The following NT5C2 variants were observed in gnomAD, a reference collection of about 807,000 sequenced individuals.
NT5C2 encodes the protein cytosolic purine 5'-nucleotidase.
Under a neutral mutation model 76.1 loss-of-function variants are expected in NT5C2, and 58 were observed. That is an observed-to-expected ratio of 0.76 (90% CI 0.62 to 0.95). The LOEUF (loss-of-function observed/expected upper bound fraction) is 0.95, where lower values mean the gene tolerates loss of function less well. Among genes scored for constraint, NT5C2 ranks in the 40% least tolerant of loss-of-function variants. The probability of loss-of-function intolerance (pLI) is 0.00; values close to 1 mark genes in which losing one functional copy is unlikely to be tolerated. For synonymous variants in NT5C2, 229 were observed against 237.4 expected (o/e 0.96, Z 0.32); for missense variants, 478 against 690.3 (o/e 0.69, Z 3.45).
At chr10:103,189,496 C>T (rs2092432028) in intron 1 of NT5C2, among the ~76,000 whole-genome samples, 1 of 151,022 alleles carries the variant, frequency 6.6e-6, no homozygotes, top group Non-Finnish European at 1.5e-5. Flanking sequence ...GTCCTAGCTA[C>T]TCGGTAGGCT....
intron 2 of NT5C2, among the ~76,000 whole-genome samples, chr10:103,180,036 G>A (rs2090779821): frequency 6.6e-6 from 1 of 152,078 alleles, no homozygotes; most frequent in Non-Finnish European, 1.5e-5. Flanking sequence ...CAGAATATAG[G>A]AAGAGCTCTC....
rs147737643 is a variant in NT5C2 at position 103,126,647 on chromosome 10, C to T, written c.175+12759G>A. ...AAAAACTAAAAAACAAACAAAAAAA[C>T]ATAGTCCACTCTTGGCCAGTGGTAA... On this transcript the variant is annotated intron_variant, in intron 4 of 18. Coordinates refer to ENST00000404739, the MANE Select transcript of NT5C2 (RefSeq NM_001351169.2). 1.4e-4 allele frequency among the ~76,000 whole-genome samples: 22 copies of T among 152,142 alleles called. No homozygotes were observed. The East Asian group carries it at 3.5e-3, about 24-fold the overall frequency.
chr10:103,107,750 G>A (rs2071707093), intron 4 of NT5C2, among the ~76,000 whole-genome samples: 1 of 152,078 alleles, frequency 6.6e-6, no homozygotes, highest in Non-Finnish European at 1.5e-5. Flanking sequence ...TTTGTTACAG[G>A]TCAAATAACA....
chr10:103,191,250 C>T (rs2092614159), intron 1 of NT5C2, among the ~76,000 whole-genome samples: 2 of 152,020 alleles, frequency 1.3e-5, no homozygotes, highest in African/African-American at 2.4e-5. Context: ...GGCGTGGTGG[C>T]GCATGCCTGT....
intron 10 of NT5C2, among the ~76,000 whole-genome samples, chr10:103,097,639 A>C (rs2068525589): frequency 6.6e-6 from 1 of 152,264 alleles, no homozygotes; most frequent in Non-Finnish European, 1.5e-5. Flanking sequence ...TTAACAACAT[A>C]TCTCTACCTT....
intron 4 of NT5C2, among the ~76,000 whole-genome samples, chr10:103,118,826 T>C (rs2075017826): frequency 6.6e-6 from 1 of 152,152 alleles, no homozygotes; most frequent in African/African-American, 2.4e-5. Flanking sequence ...TAAGGGATCA[T>C]CTCTTTTTGG....
At position 103,094,031 on chromosome 10, in the gene NT5C2, C is replaced by T; in HGVS notation, c.929G>A (p.Gly310Asp). 6.2e-7 allele frequency: 1 copy of T among 1,613,220 alleles called. No homozygotes were observed. ...TVLRQVDTKTGKLKIGTYTGP... is the reference protein window; with the variant it reads ...TVLRQVDTKTDKLKIGTYTGP... ...TGTGTAGGTACCAATTTTCAGCTTG[C>T]CAGTTTTCTGTATGAAGAATATGGA... Residue 310 changes from glycine (G) to aspartate (D), a missense_variant, in exon 14 of 19, where the codon GGC (glycine) becomes GAC (aspartate). Physicochemically the swap from Gly to Asp is moderately conservative, Grantham distance 94 (BLOSUM62 -1). Transcript: ENST00000404739.
intron 3 of NT5C2, among the ~76,000 whole-genome samples, chr10:103,163,969 T>C (rs984651612): frequency 2.6e-5 from 4 of 151,464 alleles, no homozygotes; most frequent in African/African-American, 9.7e-5. Flanking sequence ...CCAGGCATGG[T>C]GACTCACGCC....
chr10:103,122,035 G>A (rs1382363785), intron 4 of NT5C2, among the ~76,000 whole-genome samples: 16 of 152,072 alleles, frequency 1.1e-4, no homozygotes, highest in South Asian at 4.1e-4. Flanking sequence ...TTAGCCAGGC[G>A]TGGTGGCAGA....
chr10:103,181,041 G>A (rs2090972970), intron 2 of NT5C2, 144 bp downstream of exon 2: 2 of 152,186 alleles, frequency 1.3e-5, no homozygotes, highest in African/African-American at 2.4e-5. Flanking sequence ...CAAGTACGGA[G>A]AGGAGGAGGT....
At chr10:103,170,311 T>A (rs764457229) in intron 3 of NT5C2, among the ~76,000 whole-genome samples, 14 of 152,040 alleles carry the variant, frequency 9.2e-5, no homozygotes, top group Non-Finnish European at 1.6e-4. Flanking sequence ...CCCTGCCTCT[T>A]TAAATAACAT....
intron 17 of NT5C2, 40 bp from the exon 18 acceptor site, chr10:103,090,827 A>C (rs751324996): frequency 6.2e-7 from 1 of 1,606,958 alleles, no homozygotes; most frequent in Non-Finnish European, 8.5e-7. Flanking sequence ...CTCATTCAAC[A>C]AATATTTATT....
intron 4 of NT5C2, among the ~76,000 whole-genome samples, chr10:103,136,346 G>A (rs1019038833): frequency 3.9e-5 from 6 of 152,310 alleles, no homozygotes; most frequent in Admixed American, 3.9e-4. Flanking sequence ...AAATGGAGAT[G>A]ATAGTAGTAA....
intron 3 of NT5C2, among the ~76,000 whole-genome samples, chr10:103,167,047 G>A (rs192114788): frequency 7.0e-6 from 1 of 142,184 alleles, no homozygotes; most frequent in African/African-American, 2.6e-5. Context: ...AGACAGTCTC[G>A]CTCTGTCACC....
chr10:103,089,742 A>C lies in NT5C2; in HGVS notation c.1616T>G (p.Leu539Arg). The change falls in exon 19 of 19, where the codon CTG becomes CGG. Residue 539 changes from leucine (L) to arginine (R), a missense_variant. Leu to Arg is a moderately radical substitution (Grantham distance 102). Coordinates refer to ENST00000404739, the MANE Select transcript of NT5C2 (RefSeq NM_001351169.2). ...SEIKPPNLFP[L>R]APQEITHCHD... The stretch of plus-strand genomic sequence containing the variant: ...GCAGTGTGTAATTTCCTGGGGGGCC[A>C]GTGGGAAGAGGTTGGGAGGTTTAAT... 6.2e-7 allele frequency: 1 copy of C among 1,613,752 alleles called. No individual in the cohort carries two copies. The highest frequency in any genetic ancestry group is 8.5e-7 in the Non-Finnish European group (1 of 1,179,920).
In NT5C2 at chr10:103,184,530, G is replaced by A. The variant is rs185997183; in HGVS notation, c.-168-3202C>T. On this transcript the variant is annotated intron_variant, in intron 1 of 18. Coordinates refer to ENST00000404739, the MANE Select transcript of NT5C2 (RefSeq NM_001351169.2). ...TCTCCAAAATATAAGCTCCATAAGG[G>A]AGAGGAGTGTTTTATTTGCTGCTGT... Among the ~76,000 whole-genome samples the A allele has an allele frequency of 4.4e-3, 670 of 152,316 alleles. 6 individuals carry two copies. Among genetic ancestry groups the A allele is most frequent in the Admixed American group, 0.02 (310 of 15,292 alleles).
intron 3 of NT5C2, among the ~76,000 whole-genome samples, chr10:103,144,135 T>C (rs2081073580): frequency 6.6e-6 from 1 of 152,218 alleles, no homozygotes; most frequent in African/African-American, 2.4e-5. Flanking sequence ...GTTGTAGCTC[T>C]AGAAACTAAA....
In NT5C2 at chr10:103,089,148, G is replaced by A. The variant is rs2066083167; in HGVS notation, c.*524C>T. On this transcript the variant is annotated 3_prime_UTR_variant, in exon 19 of 19. Transcript: ENST00000404739. ...GAAGCAGCCTTGCCAGAGTCACTGA[G>A]GATGAATTAAAGGCTTATAAAAGAA... 4.4e-6 allele frequency: 1 copy of A among 227,024 alleles called. No individual in the cohort carries two copies. Among genetic ancestry groups the A allele is most frequent in the Admixed American group, 5.7e-5 (1 of 17,590 alleles). 14.1% of individuals were successfully genotyped at this position (227,024 alleles called of 1,614,324 possible).
intron 3 of NT5C2, among the ~76,000 whole-genome samples, chr10:103,170,430 T>C (rs1290402016): frequency 6.6e-6 from 1 of 151,800 alleles, no homozygotes; most frequent in Admixed American, 6.6e-5. Context: ...GGGTACAGAA[T>C]CCATCTAAAA....
Sources: gnomAD v4.1 joint callset for allele counts (sites outside exome capture counted in the v4.1 genomes callset) on GRCh38, gnomAD v4.1.1 for gene constraint, MANE v1.5 for transcripts, NCBI Gene and HGNC (gene_info 2026-07-23, HGNC 2026-07-21) for gene names.